The following PPCDC variants were observed in gnomAD, a reference collection of about 807,000 sequenced individuals.
PPCDC encodes phosphopantothenoylcysteine decarboxylase.
Under a neutral mutation model 20.7 loss-of-function variants are expected in PPCDC, and 20 were observed. The ratio of observed to expected loss-of-function variants is 0.97; its 90% CI spans 0.68 to 1.41. PPCDC has a LOEUF of 1.41. Among genes scored for constraint, PPCDC ranks in the 40% most tolerant of loss-of-function variants. The pLI, the probability that PPCDC is intolerant of heterozygous loss-of-function variation, is 0.00. For synonymous variants in PPCDC, 88 were observed against 100.3 expected (o/e 0.88, Z 0.73); for missense variants, 246 against 263.8 (o/e 0.93, Z 0.47).
Position 75,028,384 on chromosome 15 carries a change from G to C in PPCDC, c.66G>C (p.Val22=). The change falls in exon 2 of 6, where the codon GTG becomes GTC. Residue 22 remains valine, a synonymous_variant. Transcript: ENST00000342932. ...PLMERKFHVL[V]GVTGSVAALK... is the part of the protein sequence containing the mutation. Reference sequence around the variant, plus strand: ...TGGAGAGAAAATTCCATGTTCTTGTGGGTGTCACGGGGAGTGTCGCAGCCC... The same window carrying C: ...TGGAGAGAAAATTCCATGTTCTTGTCGGTGTCACGGGGAGTGTCGCAGCCC... 1 of 1,614,194 alleles carries C rather than the reference G, an allele frequency of 6.2e-7. No homozygotes were observed. The highest frequency in any genetic ancestry group is 1.1e-5 in the South Asian group (1 of 91,086).
intron 2 of PPCDC, among the ~76,000 whole-genome samples, chr15:75,042,036 A>G (rs1175974758): frequency 6.6e-6 from 1 of 152,202 alleles, no homozygotes; most frequent in Non-Finnish European, 1.5e-5. Context: ...TTTTCACAAG[A>G]ACTCAGGAAA....
intron 4 of PPCDC, among the ~76,000 whole-genome samples, chr15:75,047,105 G>A (rs929013346): frequency 6.6e-6 from 1 of 152,256 alleles, no homozygotes; most frequent in Non-Finnish European, 1.5e-5. Flanking sequence ...TTGTCTGAGA[G>A]GAGTTGGAGT....
At chr15:75,037,535 T>C (rs2066100128) in intron 2 of PPCDC, among the ~76,000 whole-genome samples, 1 of 152,030 alleles carries the variant, frequency 6.6e-6, no homozygotes, top group Non-Finnish European at 1.5e-5. Context: ...TTGCCCTAGC[T>C]CAGGAGTTCG....
rs572557523 is a variant in PPCDC, at chr15:75,048,412, G to A, written c.361-141G>A. 6 of 1,143,684 alleles carry A rather than the reference G, an allele frequency of 5.2e-6. No homozygotes were observed. In the South Asian group the frequency reaches 7.7e-5, roughly 15 times the overall value. 70.8% of individuals were successfully genotyped at this position (1,143,684 alleles called of 1,614,324 possible). A position where few individuals can be genotyped will look rare whatever the true frequency, so the allele number is the denominator to read the frequency against. On this transcript the variant is annotated intron_variant, in intron 4 of 5. Coordinates refer to ENST00000342932, the MANE Select transcript of PPCDC (RefSeq NM_021823.5). ...AGGAGACATAGCCCCCACCCCTGAG[G>A]GATGAGACAGCTCCCTGCAGGCAGG... is the stretch of plus-strand genomic sequence containing the variant.
At chr15:75,049,070 G>T (rs1410497662) in intron 5 of PPCDC, 80 bp from the exon 6 acceptor site, 1 of 1,328,140 alleles carries the variant, frequency 7.5e-7, no homozygotes, top group African/African-American at 1.4e-5. Context: ...TCTGGGTGGA[G>T]CACTTGGAGC....
Position 75,050,353 on chromosome 15 carries a change from C to T in PPCDC, c.*1118C>T, listed in dbSNP as rs530419136. The T allele has an allele frequency of 1.3e-5, 2 of 152,488 alleles. No individual in the cohort carries two copies. Among genetic ancestry groups the T allele is most frequent in the South Asian group, 2.1e-4 (1 of 4,830 alleles). The allele number at this position is 152,488 out of a possible 1,614,324, so 9.4% of individuals were successfully genotyped here. A position where few individuals can be genotyped will look rare whatever the true frequency, so the allele number is the denominator to read the frequency against. On this transcript the variant is annotated 3_prime_UTR_variant, in exon 6 of 6. Coordinates refer to ENST00000342932, the MANE Select transcript of PPCDC (RefSeq NM_021823.5). Reference sequence around the variant, plus strand: ...CCTGGGTGTCTGTGCCTCCCTACCCCCCAGTACACATGACCAAGGGAAGTA... The same window carrying T: ...CCTGGGTGTCTGTGCCTCCCTACCCTCCAGTACACATGACCAAGGGAAGTA...
chr15:75,037,754 G>GTTT (rs34161896), intron 2 of PPCDC, among the ~76,000 whole-genome samples: 5 of 152,092 alleles, frequency 3.3e-5, no homozygotes, highest in South Asian at 2.1e-4. Context: ...TGTTGTTGTT[G>GTTT]TTTTTAACAA....
rs557140808 is a variant in PPCDC, at chr15:75,045,392, C to T, written c.360+878C>T. 5.3e-4 allele frequency among the ~76,000 whole-genome samples: 81 copies of T among 152,316 alleles called. 1 individual carries two copies. The highest frequency in any genetic ancestry group is 1.5e-3 in the African/African-American group (63 of 41,566). ...ACAGTCCTGAATGACCCCAGTCAGT[C>T]CTTTCTATGGAGTCACCACCTTGCA... On this transcript the variant is annotated intron_variant, in intron 4 of 5. Transcript: ENST00000342932.
In PPCDC at chr15:75,046,316, C is replaced by T. The variant is rs572710191; in HGVS notation, c.360+1802C>T. On this transcript the variant is annotated intron_variant, in intron 4 of 5. Coordinates refer to ENST00000342932, the MANE Select transcript of PPCDC (RefSeq NM_021823.5). The stretch of plus-strand genomic sequence containing the variant: ...CTTGGCTGCTCTCATCAAATTGGGT[C>T]AGAGTTGTGTGTGGCCAGCACCATC... Among the ~76,000 whole-genome samples the T allele has an allele frequency of 2.0e-5, 3 of 152,380 alleles. No homozygotes were observed. In the South Asian group the frequency reaches 6.2e-4, roughly 32 times the overall value.
intron 2 of PPCDC, among the ~76,000 whole-genome samples, chr15:75,040,121 C>T (rs1458699432): frequency 6.6e-6 from 1 of 150,508 alleles, no homozygotes; most frequent in Admixed American, 6.6e-5. Flanking sequence ...CTCACTTTGT[C>T]ACCCAGGCTG....
In PPCDC at chr15:75,028,542, A is replaced by G. The variant is rs376565215; in HGVS notation, c.135+89A>G. On this transcript the variant is annotated intron_variant, in intron 2 of 5. Transcript: ENST00000342932. ...GGCCCATTGCTCTGCAGTACATGCA[A>G]TTTTCTTTTTCTTTATCATGTTAAT... 5.3e-5 allele frequency: 82 copies of G among 1,546,204 alleles called. 1 individual carries two copies. The highest frequency in any genetic ancestry group is 4.9e-4 in the African/African-American group (35 of 72,108).
At chr15:75,047,581 G>A (rs367855344) in intron 4 of PPCDC, among the ~76,000 whole-genome samples, 42 of 152,294 alleles carry the variant, frequency 2.8e-4, no homozygotes, top group African/African-American at 8.4e-4. Context: ...TCCCCCAGGC[G>A]GCCCCCAGCC....
At chr15:75,035,744 A>G (rs1181309934) in intron 2 of PPCDC, among the ~76,000 whole-genome samples, 1 of 152,156 alleles carries the variant, frequency 6.6e-6, no homozygotes, top group Non-Finnish European at 1.5e-5. Context: ...AGGTGGGCAG[A>G]TCACCTGAGG....
chr15:75,040,196 C>T (rs1338562737), intron 2 of PPCDC, among the ~76,000 whole-genome samples: 2 of 152,196 alleles, frequency 1.3e-5, no homozygotes, highest in Admixed American at 1.3e-4. Flanking sequence ...GATCCTCCCA[C>T]CTTGGCCTCC....
intron 2 of PPCDC, among the ~76,000 whole-genome samples, chr15:75,038,044 T>C (rs1228152524): frequency 3.3e-5 from 5 of 152,096 alleles, no homozygotes; most frequent in Non-Finnish European, 4.4e-5. Flanking sequence ...AAAAGCTAGA[T>C]TGGGATCACT....
At position 75,049,394 on chromosome 15, in the gene PPCDC, G is replaced by A. The variant is rs138376177; in HGVS notation, c.*159G>A. The stretch of plus-strand genomic sequence containing the variant: ...GCCAGGCCTGCTCCAGGTTAAACTG[G>A]ACGGAAGGCCCAGGTCTCAGTTTCT... On this transcript the variant is annotated 3_prime_UTR_variant, in exon 6 of 6. Transcript: ENST00000342932. The A allele has an allele frequency of 9.3e-4, 623 of 667,856 alleles. 6 individuals are homozygous for A. In the African/African-American group the frequency reaches 0.01, roughly 11 times the overall value. The allele number at this position is 667,856 out of a possible 1,614,324, so 41.4% of individuals were successfully genotyped here.
chr15:75,028,509 C>T, intron 2 of PPCDC, 56 bp downstream of exon 2: 1 of 1,604,344 alleles, frequency 6.2e-7, no homozygotes, highest in Admixed American at 1.7e-5. Context: ...GCCGGTGCTC[C>T]CGGGGATGGC....
chr15:75,039,434 A>T (rs141887220), intron 2 of PPCDC, among the ~76,000 whole-genome samples: 230 of 152,210 alleles, frequency 1.5e-3, no homozygotes, highest in Non-Finnish European at 2.7e-3. Flanking sequence ...TGTTGTGCTA[A>T]CTCTGCAAGG....
chr15:75,037,959 C>T (rs2066106026), intron 2 of PPCDC, among the ~76,000 whole-genome samples: 1 of 151,996 alleles, frequency 6.6e-6, no homozygotes, highest in Non-Finnish European at 1.5e-5. Flanking sequence ...CAGGAGATGG[C>T]TAGTATCCAT....
Sources: gnomAD v4.1 joint callset for allele counts (sites outside exome capture counted in the v4.1 genomes callset) on GRCh38, gnomAD v4.1.1 for gene constraint, MANE v1.5 for transcripts, NCBI Gene and HGNC (gene_info 2026-07-23, HGNC 2026-07-21) for gene names.